The following SOX6 variants were observed in gnomAD, a reference collection of about 807,000 sequenced individuals.
SOX6 encodes the protein SRY-box transcription factor 6, also known as transcription factor SOX-6.
SOX6 carries 11 observed loss-of-function variants against 97.8 expected under a neutral mutation model. The ratio of observed to expected loss-of-function variants is 0.11; its 90% CI spans 0.07 to 0.19. SOX6 has a LOEUF of 0.19. SOX6 is among the 10% of genes least tolerant of loss of function. The probability of loss-of-function intolerance (pLI) is 1.00; values close to 1 mark genes in which losing one functional copy is unlikely to be tolerated. For synonymous variants in SOX6, 360 were observed against 371.4 expected, an observed-to-expected ratio of 0.97 and a Z score of 0.35; for missense variants, 810 against 1,039.5, an observed-to-expected ratio of 0.78 and a Z score of 3.04.
chr11:16,522,684 G>A (rs1009391865), intron 4 of SOX6, among the ~76,000 whole-genome samples: 5 of 152,104 alleles, frequency 3.3e-5, no homozygotes, highest in Non-Finnish European at 7.4e-5. Context: ...ACACAGACTG[G>A]CAAGTTGGAT....
chr11:16,638,620 C>G (rs915498462), intron 3 of SOX6, among the ~76,000 whole-genome samples: 6 of 152,096 alleles, frequency 3.9e-5, no homozygotes, highest in Non-Finnish European at 5.9e-5. Context: ...TCTAACTGGT[C>G]TGAGATGGTA....
intron 3 of SOX6, among the ~76,000 whole-genome samples, chr11:16,278,207 C>G (rs981819431): frequency 1.3e-5 from 2 of 152,022 alleles, no homozygotes; most frequent in Non-Finnish European, 2.9e-5. Context: ...TGCCAAATAA[C>G]GTTTTTTTAA....
intron 8 of SOX6, 27 bp downstream of exon 8, chr11:16,097,582 C>T: frequency 2.5e-6 from 4 of 1,602,388 alleles, no homozygotes; most frequent in Non-Finnish European, 3.4e-6. Context: ...TGGCTCATAT[C>T]CCACATTTTT....
chr11:16,436,673 G>T (rs561568066), intron 1 of SOX6, among the ~76,000 whole-genome samples: 3 of 152,252 alleles, frequency 2.0e-5, no homozygotes, highest in Non-Finnish European at 4.4e-5. Flanking sequence ...AATAGGTTTT[G>T]TAATAATAAT....
At chr11:16,650,063 A>G (rs1442754496) in intron 3 of SOX6, among the ~76,000 whole-genome samples, 2 of 152,104 alleles carry the variant, frequency 1.3e-5, no homozygotes, top group Non-Finnish European at 2.9e-5. Context: ...ATGATAAAAA[A>G]TAGTCCAACA....
intron 6 of SOX6, among the ~76,000 whole-genome samples, chr11:16,131,408 C>G (rs1849736589): frequency 6.6e-6 from 1 of 151,904 alleles, no homozygotes; most frequent in Admixed American, 6.6e-5. Flanking sequence ...CAAGATACCC[C>G]TAAAATCCAC....
chr11:16,411,851 G>T (rs1858826619), intron 1 of SOX6, among the ~76,000 whole-genome samples: 1 of 152,078 alleles, frequency 6.6e-6, no homozygotes, highest in African/African-American at 2.4e-5. Flanking sequence ...TTCTAAACTA[G>T]TGAGAGCTTT....
At chr11:16,365,466 C>G (rs1252062632) in intron 1 of SOX6, among the ~76,000 whole-genome samples, 3 of 151,734 alleles carry the variant, frequency 2.0e-5, no homozygotes, top group Middle Eastern at 3.2e-3. Context: ...TAATGTAAAC[C>G]CCACCAACCA....
At chr11:16,458,999 C>A (rs534839720) in intron 1 of SOX6, among the ~76,000 whole-genome samples, 68 of 152,030 alleles carry the variant, frequency 4.5e-4, no homozygotes, top group African/African-American at 1.6e-3. Context: ...CAGAGATATG[C>A]AGAGAGTCTG....
chr11:16,370,171 A>G (rs1565117121), intron 1 of SOX6, among the ~76,000 whole-genome samples: 1 of 152,164 alleles, frequency 6.6e-6, no homozygotes, highest in Non-Finnish European at 1.5e-5. Context: ...TGTAGGTTTC[A>G]GTAACACAAA....
Position 16,168,926 on chromosome 11 carries a change from C to T in SOX6, c.777+14960G>A, listed in dbSNP as rs145481192. ...ACAAATCAAATCAACAATTTCTTCG[C>T]CTTTTCTATCATGCCACACACAGCT... On this transcript the variant is annotated intron_variant, in intron 6 of 15. Coordinates refer to ENST00000683767, the MANE Select transcript of SOX6 (RefSeq NM_001367873.1). Among the ~76,000 whole-genome samples, 799 of 152,238 alleles carry T rather than the reference C, an allele frequency of 5.2e-3. 9 individuals carry two copies. Among genetic ancestry groups the T allele is most frequent in the African/African-American group, 0.017 (714 of 41,534 alleles).
At chr11:16,434,024 A>T (rs1859323343) in intron 1 of SOX6, 1 of 152,034 alleles carries the variant, frequency 6.6e-6, no homozygotes, top group Non-Finnish European at 1.5e-5. Flanking sequence ...AAAAGTAATA[A>T]TTGCTTAATA....
intron 4 of SOX6, among the ~76,000 whole-genome samples, chr11:16,499,389 A>C (rs905118541): frequency 1.3e-5 from 2 of 152,198 alleles, no homozygotes. Context: ...TAACATCACA[A>C]TTAAAAGAAC....
chr11:16,619,372 T>C (rs1848512335), intron 3 of SOX6, among the ~76,000 whole-genome samples: 1 of 151,956 alleles, frequency 6.6e-6, no homozygotes, highest in African/African-American at 2.4e-5. Context: ...GGTATTTTTC[T>C]TTACTCAAAA....
chr11:16,258,266 T>A (rs901573158), intron 3 of SOX6, among the ~76,000 whole-genome samples: 1 of 152,034 alleles, frequency 6.6e-6, no homozygotes, highest in East Asian at 1.9e-4. Flanking sequence ...GAAATGTTTA[T>A]AGCAGCTTCA....
intron 13 of SOX6, among the ~76,000 whole-genome samples, chr11:16,008,226 A>G (rs1389101823): frequency 6.6e-6 from 1 of 152,138 alleles, no homozygotes; most frequent in East Asian, 1.9e-4. Flanking sequence ...GTACAGACAC[A>G]ACCAGCCATT....
At chr11:16,465,032 C>T (rs1257658263) in intron 1 of SOX6, among the ~76,000 whole-genome samples, 1 of 152,132 alleles carries the variant, frequency 6.6e-6, no homozygotes, top group African/African-American at 2.4e-5. Context: ...ATCTCTCTGC[C>T]TTTTTCTCCT....
At chr11:16,228,498 CAG>C (rs1329887717) in intron 4 of SOX6, among the ~76,000 whole-genome samples, 2 of 151,832 alleles carry the variant, frequency 1.3e-5, no homozygotes, top group Non-Finnish European at 2.9e-5. Context: ...TGGTGGTTAA[CAG>C]GGGTAGGAGA....
intron 6 of SOX6, among the ~76,000 whole-genome samples, chr11:16,155,053 A>G (rs76303587): frequency 2.6e-4 from 39 of 150,536 alleles, no homozygotes; most frequent in South Asian, 1.7e-3. Flanking sequence ...GATTGTCAGA[A>G]AAAAAAAAAA....
Sources: allele counts gnomAD v4.1 joint callset (sites outside exome capture counted in the v4.1 genomes callset), GRCh38; gene constraint gnomAD v4.1.1; transcripts MANE v1.5; gene names NCBI Gene and HGNC (gene_info 2026-07-23, HGNC 2026-07-21).